Variants in HFM1 observed in about 807,000 individuals in gnomAD.
The protein encoded by HFM1 is helicase for meiosis 1.
HFM1 carries 169 observed loss-of-function variants against 192.1 expected under a neutral mutation model. The ratio of observed to expected loss-of-function variants is 0.88; its 90% CI spans 0.78 to 1.00. HFM1 has a LOEUF of 1.00. HFM1 is among the 50% of genes least tolerant of loss of function. HFM1 has a pLI of 0.00. For synonymous variants in HFM1, 525 were observed against 537.8 expected (o/e 0.98, Z 0.33); for missense variants, 1,661 against 1,668.0 (o/e 1.00, Z 0.07).
rs1235091306 is a variant in HFM1, at chr1:91,403,022, T to A, written c.-28+1776A>T. Reference sequence around the variant, plus strand: ...CTTGTTTGGGTTCAGAATAAAAATATCATGTACATATTTTAGTTCTTATAT... The same window carrying A: ...CTTGTTTGGGTTCAGAATAAAAATAACATGTACATATTTTAGTTCTTATAT... On this transcript the variant is annotated intron_variant, in intron 1 of 38. Transcript: ENST00000370425. 6.7e-5 allele frequency among the ~76,000 whole-genome samples: 10 copies of A among 150,292 alleles called. No homozygotes were observed. In the South Asian group the frequency reaches 2.1e-3, roughly 32 times the overall value.
intron 30 of HFM1, among the ~76,000 whole-genome samples, chr1:91,297,967 G>C (rs961515709): frequency 6.6e-5 from 10 of 152,044 alleles, no homozygotes; most frequent in Non-Finnish European, 1.3e-4. Flanking sequence ...TTGAGAGAAG[G>C]CTTCAGATGA....
intron 30 of HFM1, among the ~76,000 whole-genome samples, chr1:91,310,487 C>G (rs1650277066): frequency 1.3e-5 from 2 of 152,192 alleles, no homozygotes; most frequent in African/African-American, 4.8e-5. Flanking sequence ...TTGTACATCA[C>G]TTGATCTCCC....
chr1:91,265,359 G>A (rs1280713767), intron 36 of HFM1, among the ~76,000 whole-genome samples: 1 of 152,140 alleles, frequency 6.6e-6, no homozygotes, highest in Non-Finnish European at 1.5e-5. Context: ...CAGATTCCTA[G>A]CTTTTCTTGA....
intron 30 of HFM1, among the ~76,000 whole-genome samples, chr1:91,288,982 G>T (rs1411628961): frequency 6.6e-6 from 1 of 150,822 alleles, no homozygotes; most frequent in African/African-American, 2.4e-5. Context: ...CCTCCCGGAC[G>T]GGGCGGCTGG....
At chr1:91,334,767 A>T (rs1654334561) in intron 20 of HFM1, among the ~76,000 whole-genome samples, 1 of 151,972 alleles carries the variant, frequency 6.6e-6, no homozygotes, top group Non-Finnish European at 1.5e-5. Flanking sequence ...TGTCTCTACT[A>T]AAAATACAAA....
At chr1:91,289,041 G>A (rs1213035068) in intron 30 of HFM1, among the ~76,000 whole-genome samples, 7 of 151,252 alleles carry the variant, frequency 4.6e-5, no homozygotes, top group African/African-American at 1.5e-4. Flanking sequence ...CTGGCCGGGC[G>A]GGGGCTGCCC....
At chr1:91,330,144 G>A (rs1473191359) in intron 20 of HFM1, among the ~76,000 whole-genome samples, 1 of 152,156 alleles carries the variant, frequency 6.6e-6, no homozygotes, top group African/African-American at 2.4e-5. Flanking sequence ...GTAAGACGGT[G>A]ATGTTCATCT....
At chr1:91,367,701 C>G (rs769555055) in intron 13 of HFM1, among the ~76,000 whole-genome samples, 1 of 152,148 alleles carries the variant, frequency 6.6e-6, no homozygotes, top group Non-Finnish European at 1.5e-5. Context: ...GAGTGCCTAT[C>G]CTCCTCCAAA....
chr1:91,342,331 T>A (rs1348453631), intron 20 of HFM1, among the ~76,000 whole-genome samples: 3 of 152,052 alleles, frequency 2.0e-5, no homozygotes, highest in Non-Finnish European at 1.5e-5. Flanking sequence ...TATTTTAAGC[T>A]GTAGGAATTT....
At chr1:91,318,794 A>G (rs900541422) in intron 25 of HFM1, among the ~76,000 whole-genome samples, 2 of 152,236 alleles carry the variant, frequency 1.3e-5, no homozygotes, top group Admixed American at 6.5e-5. Context: ...TTGCCTAATT[A>G]CTGTAACCAA....
At chr1:91,396,440 A>T in intron 2 of HFM1, 35 bp from the exon 3 acceptor site, 3 of 1,040,022 alleles carry the variant, frequency 2.9e-6, no homozygotes, top group Non-Finnish European at 4.3e-6. Context: ...TATATATGTT[A>T]ATAAAGATAT....
At chr1:91,399,348 G>A (rs1452002565) in intron 2 of HFM1, among the ~76,000 whole-genome samples, 1 of 152,026 alleles carries the variant, frequency 6.6e-6, no homozygotes, top group Non-Finnish European at 1.5e-5. Flanking sequence ...ATAGATATTT[G>A]ATACTCCCTC....
At chr1:91,360,997 T>C (rs1303255200) in intron 13 of HFM1, among the ~76,000 whole-genome samples, 2 of 152,082 alleles carry the variant, frequency 1.3e-5, no homozygotes, top group African/African-American at 4.8e-5. Flanking sequence ...TTGAAACTAA[T>C]GAGAACAAAG....
intron 36 of HFM1, among the ~76,000 whole-genome samples, chr1:91,264,927 C>T (rs1024574511): frequency 1.3e-5 from 2 of 152,148 alleles, no homozygotes; most frequent in Non-Finnish European, 2.9e-5. Flanking sequence ...TACCTAGGTG[C>T]CATTTATTCT....
At chr1:91,282,895 C>T (rs1229829288) in intron 30 of HFM1, among the ~76,000 whole-genome samples, 1 of 152,132 alleles carries the variant, frequency 6.6e-6, no homozygotes, top group Non-Finnish European at 1.5e-5. Context: ...AGGTGGTGCA[C>T]AATGACTAAG....
chr1:91,382,390 C>T (rs1315491269), intron 6 of HFM1, among the ~76,000 whole-genome samples: 1 of 152,100 alleles, frequency 6.6e-6, no homozygotes, highest in Non-Finnish European at 1.5e-5. Flanking sequence ...ACCCTCATCC[C>T]AAGAATGTCA....
rs370338028 is a variant in HFM1 at position 91,267,765 on chromosome 1, G to C, written c.3863C>G (p.Thr1288Ser). 4 of 1,506,016 alleles carry C rather than the reference G, an allele frequency of 2.7e-6. No homozygotes were observed. The allele number at this position is 1,506,016 out of a possible 1,614,324, so 93.3% of individuals were successfully genotyped here. A position where few individuals can be genotyped will look rare whatever the true frequency, so the allele number is the denominator to read the frequency against. Residue 1288 changes from threonine (T) to serine (S), a missense_variant, in exon 35 of 39, where the codon ACT (threonine) becomes AGT (serine). Physicochemically the swap from Thr to Ser is moderately conservative, Grantham distance 58. Coordinates refer to ENST00000370425, the MANE Select transcript of HFM1 (RefSeq NM_001017975.6). The stretch of plus-strand genomic sequence containing the variant: ...TTTACCTGATATTTTTGTCTTCTCA[G>C]TATCAGTTGAAAAGCTAGTAACTTC... ...NLEVTSFSTD[T>S]EKTKISGFGN... is the part of the protein sequence containing the mutation.
intron 20 of HFM1, chr1:91,329,630 T>C (rs1206422779): frequency 1.3e-6 from 1 of 750,348 alleles, no homozygotes; most frequent in Non-Finnish European, 2.1e-6. Context: ...TCTAAGGTTT[T>C]TCTAGCGTGA....
chr1:91,378,283 G>C, intron 10 of HFM1, 100 bp from the exon 11 acceptor site: 1 of 1,265,194 alleles, frequency 7.9e-7, no homozygotes, highest in Non-Finnish European at 1.1e-6. Flanking sequence ...TTGAGAAAAT[G>C]AGCATTTTCC....
Sources: gnomAD v4.1 joint callset for allele counts (sites outside exome capture counted in the v4.1 genomes callset) on GRCh38, gnomAD v4.1.1 for gene constraint, MANE v1.5 for transcripts, NCBI Gene and HGNC (gene_info 2026-07-23, HGNC 2026-07-21) for gene names.